Variants in RASGRF1 observed in about 807,000 individuals in gnomAD.
RASGRF1 encodes ras-specific guanine nucleotide-releasing factor 1.
Under a neutral mutation model 138.7 loss-of-function variants are expected in RASGRF1, and 40 were observed. The ratio of observed to expected loss-of-function variants is 0.29; its 90% confidence interval spans 0.22 to 0.38. The LOEUF (loss-of-function observed/expected upper bound fraction) is 0.38. Among genes scored for constraint, RASGRF1 ranks in the 10% least tolerant of loss-of-function variants. The pLI is 1.00. For synonymous variants in RASGRF1, 614 were observed against 663.2 expected, an observed-to-expected ratio of 0.93 and a Z score of 1.14; for missense variants, 1,108 against 1,650.4, an observed-to-expected ratio of 0.67 and a Z score of 5.69.
At chr15:79,029,624 AG>A (rs1472053817) in intron 8 of RASGRF1, among the ~76,000 whole-genome samples, 1 of 152,152 alleles carries the variant, frequency 6.6e-6, no homozygotes, top group Non-Finnish European at 1.5e-5. Context: ...CAGGATAAAA[AG>A]GTGGGAGGAA....
intron 24 of RASGRF1, chr15:78,978,747 G>A (rs2055941729): frequency 8.9e-7 from 1 of 1,118,176 alleles, no homozygotes; most frequent in Non-Finnish European, 1.1e-6. Context: ...TAGAGCCTCA[G>A]GAGAGGGGGT....
intron 20 of RASGRF1, among the ~76,000 whole-genome samples, chr15:78,993,113 G>A (rs554214295): frequency 7.0e-6 from 1 of 143,884 alleles, no homozygotes; most frequent in African/African-American, 2.6e-5. Context: ...TGTGGTGTGG[G>A]GTGTGTGCAT....
intron 1 of RASGRF1, among the ~76,000 whole-genome samples, chr15:79,079,225 C>T (rs2057880629): frequency 6.6e-6 from 1 of 152,192 alleles, no homozygotes; most frequent in Non-Finnish European, 1.5e-5. Context: ...AAACATCTTT[C>T]GATCTGTGAT....
At position 79,049,507 on chromosome 15, in the gene RASGRF1, T is replaced by C. The variant is rs368265264; in HGVS notation, c.613A>G (p.Lys205Glu). Residue 205 changes from lysine to glutamate, a missense_variant, in exon 4 of 27, where the codon AAA becomes GAA. Physicochemically the swap from Lys to Glu is moderately conservative, Grantham distance 56. This residue lies in a region of RASGRF1 where 253 missense variants were observed against 329.5 expected (regional missense o/e 0.77). Transcript: ENST00000558480. Reference protein sequence around the residue: ...APNDEDSDIKKIKKVQSFLRG... With the variant: ...APNDEDSDIKEIKKVQSFLRG... ...GGGATAGCACTGACCTTCTTAATTT[T>C]CTTGATGTCGCTGTCTTCATCGTTG... 4 of 1,613,828 alleles carry C rather than the reference T, an allele frequency of 2.5e-6. No individual in the cohort carries two copies. Among genetic ancestry groups the C allele is most frequent in the Non-Finnish European group, 3.4e-6 (4 of 1,179,972 alleles).
At chr15:78,997,884 A>G in intron 19 of RASGRF1, 2 of 575,520 alleles carry the variant, frequency 3.5e-6, no homozygotes, top group Non-Finnish European at 6.2e-6. Context: ...GGTCTGGCGC[A>G]GGGTGGGGAG....
chr15:79,001,588 C>T (rs2056527105), intron 16 of RASGRF1, 74 bp downstream of exon 16: 2 of 1,520,404 alleles, frequency 1.3e-6, no homozygotes, highest in Non-Finnish European at 1.8e-6. Context: ...CACCCACTTG[C>T]CTTGACTCGA....
chr15:79,068,377 T>C (rs2057707241), intron 1 of RASGRF1, among the ~76,000 whole-genome samples: 1 of 151,762 alleles, frequency 6.6e-6, no homozygotes, highest in Non-Finnish European at 1.5e-5. Context: ...CAGTGTGGCT[T>C]GGGGGCAACT....
chr15:78,976,349 A>G (rs920329184), intron 24 of RASGRF1, among the ~76,000 whole-genome samples: 6 of 152,206 alleles, frequency 3.9e-5, no homozygotes, highest in African/African-American at 1.4e-4. Context: ...GTCTTGGGCC[A>G]CACGTAAAAT....
chr15:78,978,227 T>TTG, intron 24 of RASGRF1, among the ~76,000 whole-genome samples: 1 of 29,516 alleles, frequency 3.4e-5, no homozygotes, highest in East Asian at 2.5e-3. Context: ...TTTGTTTTTT[T>TTG]TTTTTTTTTT....
At chr15:78,978,027 A>G (rs1444941137) in intron 24 of RASGRF1, among the ~76,000 whole-genome samples, 1 of 152,110 alleles carries the variant, frequency 6.6e-6, no homozygotes, top group Non-Finnish European at 1.5e-5. Context: ...GGCCACTCTC[A>G]GGGCATCTGG....
chr15:79,024,871 A>T (rs1379293607), intron 10 of RASGRF1, among the ~76,000 whole-genome samples: 1 of 150,744 alleles, frequency 6.6e-6, no homozygotes, highest in African/African-American at 2.5e-5. Flanking sequence ...ATACAGACAC[A>T]CACACATATA....
chr15:79,043,694 G>A (rs1225341178), intron 5 of RASGRF1, among the ~76,000 whole-genome samples: 3 of 152,186 alleles, frequency 2.0e-5, no homozygotes, highest in Non-Finnish European at 4.4e-5. Context: ...TGGCTACCTG[G>A]GGAGATGGGG....
chr15:79,001,794 G>C lies in RASGRF1; in HGVS notation c.2450-7C>G, dbSNP rs768492935. ...CTCATGGAGACTTCTGAGCCTGGGAGAAAAGAAATAAATAATTTTACTTTT... is the reference window on the plus strand; with the variant it reads ...CTCATGGAGACTTCTGAGCCTGGGACAAAAGAAATAAATAATTTTACTTTT... On this transcript the variant is annotated splice_region_variant and splice_polypyrimidine_tract_variant and intron_variant, in intron 15 of 26. Coordinates refer to ENST00000558480, the MANE Select transcript of RASGRF1 (RefSeq NM_001145648.3). 1 of 1,410,610 alleles carries C rather than the reference G, an allele frequency of 7.1e-7. No homozygotes were observed. 87.4% of individuals were successfully genotyped at this position (1,410,610 alleles called of 1,614,324 possible). A position where few individuals can be genotyped will look rare whatever the true frequency, so the allele number is the denominator to read the frequency against.
Position 79,006,126 on chromosome 15 carries a change from A to G in RASGRF1, c.2075+60T>C, listed in dbSNP as rs371543853. On this transcript the variant is annotated intron_variant, in intron 14 of 26. Transcript: ENST00000558480. This position sits in a 1 kb window ranked among gnomAD's most constrained non-coding sequence, Gnocchi z 4.0. ...TCACCCCCCGGCCCCGTGCAAGCTC[A>G]GTTTTCCTCCAAGGCTTGGAAGCTC... The G allele has an allele frequency of 3.7e-6, 6 of 1,606,036 alleles. No individual in the cohort carries two copies. Among genetic ancestry groups the G allele is most frequent in the African/African-American group, 1.3e-5 (1 of 74,770 alleles).
chr15:79,062,550 T>A (rs2057621916), intron 2 of RASGRF1, among the ~76,000 whole-genome samples: 1 of 152,316 alleles, frequency 6.6e-6, no homozygotes, highest in South Asian at 2.1e-4. Context: ...TTTTTTATTT[T>A]TTGAGACTGA....
At chr15:79,085,215 G>A (rs184827668) in intron 1 of RASGRF1, among the ~76,000 whole-genome samples, 8 of 152,356 alleles carry the variant, frequency 5.3e-5, no homozygotes, top group Admixed American at 4.6e-4. Context: ...GGAGAAGAAG[G>A]AGCTGTTCAT....
rs1202876633 is a variant in RASGRF1, at chr15:79,090,706, TCTC to T, written c.-211_-209del. The T allele has an allele frequency of 3.0e-6, 2 of 672,866 alleles. No individual in the cohort carries two copies. The highest frequency in any genetic ancestry group is 3.7e-5 in the African/African-American group (2 of 54,732). The allele number at this position is 672,866 out of a possible 1,614,324, so 41.7% of individuals were successfully genotyped here. On this transcript the variant is annotated 5_prime_UTR_variant, in exon 1 of 27. Coordinates refer to ENST00000558480, the MANE Select transcript of RASGRF1 (RefSeq NM_001145648.3). ...TATACCATTCCCCGCTGGAACCTCT[TCTC>T]CGCTCCGCAGAGCCCCAGTACCCGG...
chr15:79,017,701 C>T (rs1823935444), intron 12 of RASGRF1, 69 bp downstream of exon 12: 3 of 1,502,850 alleles, frequency 2.0e-6, no homozygotes, highest in East Asian at 2.3e-5. Context: ...TACCTGCCAC[C>T]AGCCAAATCC....
chr15:79,080,799 C>A lies in RASGRF1; in HGVS notation c.276+9424G>T, dbSNP rs982568584. 6.6e-5 allele frequency among the ~76,000 whole-genome samples: 10 copies of A among 152,194 alleles called. No individual in the cohort carries two copies. In the East Asian group the frequency reaches 1.3e-3, roughly 20 times the overall value. ...CTAGTCTTTAGAGTATAAATGACCT[C>A]ATTTAACAACCAGCCTCAATGTCCA... On this transcript the variant is annotated intron_variant, in intron 1 of 26. Coordinates refer to ENST00000558480, the MANE Select transcript of RASGRF1 (RefSeq NM_001145648.3).
Sources: gnomAD v4.1 joint callset for allele counts (sites outside exome capture counted in the v4.1 genomes callset) on GRCh38, gnomAD v4.1.1 for gene constraint, gnomAD v4.1.1 regional missense constraint, Gnocchi (gnomAD v3.1) non-coding constraint, MANE v1.5 for transcripts, NCBI Gene and HGNC (gene_info 2026-07-23, HGNC 2026-07-21) for gene names.